The following KCNH7 variants were observed in gnomAD, a reference collection of about 807,000 sequenced individuals.
The protein encoded by KCNH7 is voltage-gated inwardly rectifying potassium channel KCNH7.
Under a neutral mutation model 120.8 loss-of-function variants are expected in KCNH7, and 49 were observed. The ratio of observed to expected loss-of-function variants is 0.41; its 90% CI spans 0.32 to 0.51. The LOEUF (loss-of-function observed/expected upper bound fraction) is 0.51, where lower values mean the gene tolerates loss of function less well. Ranked by LOEUF, KCNH7 falls within the 20% of genes least tolerant of loss-of-function variation. The pLI is 0.38. For synonymous variants in KCNH7, 547 were observed against 516.1 expected (o/e 1.06, Z -0.81); for missense variants, 1,097 against 1,446.6 (o/e 0.76, Z 3.92).
chr2:162,373,091 G>A (rs1043462232), intron 15 of KCNH7, among the ~76,000 whole-genome samples: 1 of 151,972 alleles, frequency 6.6e-6, no homozygotes, highest in African/African-American at 2.4e-5. Flanking sequence ...ATTTTTCTTT[G>A]AAGCTCTTTT....
At chr2:162,476,297 G>A (rs1689741985) in intron 6 of KCNH7, among the ~76,000 whole-genome samples, 2 of 152,092 alleles carry the variant, frequency 1.3e-5, no homozygotes, top group Admixed American at 1.3e-4. Flanking sequence ...AATATTCCAA[G>A]ACATATTCAT....
chr2:162,724,671 CAA>C (rs71009368), intron 2 of KCNH7, among the ~76,000 whole-genome samples: 5 of 123,876 alleles, frequency 4.0e-5, no homozygotes, highest in Admixed American at 8.0e-5. Context: ...GACTCCGTCT[CAA>C]AAAAAAAAAA....
intron 2 of KCNH7, among the ~76,000 whole-genome samples, chr2:162,724,664 T>A (rs1470301254): frequency 1.6e-5 from 2 of 125,902 alleles, no homozygotes; most frequent in African/African-American, 3.9e-5. Context: ...AGAGCGAGAC[T>A]CCGTCTCAAA....
rs919914106 is a variant in KCNH7 at position 162,558,070 on chromosome 2, CATCTT to C, written c.308-20995_308-20991del. On this transcript the variant is annotated intron_variant, in intron 2 of 15. Coordinates refer to ENST00000332142, the MANE Select transcript of KCNH7 (RefSeq NM_033272.4). Reference sequence around the variant, plus strand: ...TTACCTGCTTTGAGCTTACATAAAACATCTTATAGGTCAGAAAACTAAGGAATAAG... The same window carrying C: ...TTACCTGCTTTGAGCTTACATAAAACATAGGTCAGAAAACTAAGGAATAAG... Among the ~76,000 whole-genome samples, 26 of 152,300 alleles carry C rather than the reference CATCTT, an allele frequency of 1.7e-4. 1 individual carries two copies. Among genetic ancestry groups the C allele is most frequent in the Middle Eastern group, 6.8e-3 (2 of 294 alleles).
At chr2:162,391,539 T>C (rs978490076) in intron 12 of KCNH7, among the ~76,000 whole-genome samples, 5 of 152,074 alleles carry the variant, frequency 3.3e-5, no homozygotes, top group African/African-American at 1.2e-4. Flanking sequence ...TTCAAAGAGC[T>C]GCAGGCAGAA....
intron 2 of KCNH7, among the ~76,000 whole-genome samples, chr2:162,721,390 A>G (rs1268826953): frequency 6.6e-6 from 1 of 152,166 alleles, no homozygotes; most frequent in African/African-American, 2.4e-5. Context: ...AAATCAGAAA[A>G]GAAGACACAA....
intron 2 of KCNH7, among the ~76,000 whole-genome samples, chr2:162,704,098 G>C (rs1686610162): frequency 6.6e-6 from 1 of 152,052 alleles, no homozygotes; most frequent in Non-Finnish European, 1.5e-5. Flanking sequence ...ATAACTATAT[G>C]TGAACTTTTC....
At chr2:162,521,733 T>C in intron 3 of KCNH7, among the ~76,000 whole-genome samples, 1 of 151,914 alleles carries the variant, frequency 6.6e-6, no homozygotes, top group African/African-American at 2.4e-5. Context: ...CTCAAGCATT[T>C]ATCATTTTTT....
rs534745595 is a variant in KCNH7 at position 162,489,040 on chromosome 2, T to G, written c.1128+15403A>C. On this transcript the variant is annotated intron_variant, in intron 6 of 15. Coordinates refer to ENST00000332142, the MANE Select transcript of KCNH7 (RefSeq NM_033272.4). Reference sequence around the variant, plus strand: ...ACCTAGCTAATTCGGTATTTTAAACTGAAATAACATTTTAATTTAGAATAT... The same window carrying G: ...ACCTAGCTAATTCGGTATTTTAAACGGAAATAACATTTTAATTTAGAATAT... 1.1e-3 allele frequency among the ~76,000 whole-genome samples: 169 copies of G among 152,342 alleles called. 1 individual carries two copies. The highest frequency in any genetic ancestry group is 1.4e-3 in the Non-Finnish European group (95 of 68,036).
intron 2 of KCNH7, among the ~76,000 whole-genome samples, chr2:162,737,414 C>T (rs1687952027): frequency 6.6e-6 from 1 of 152,014 alleles, no homozygotes; most frequent in African/African-American, 2.4e-5. Context: ...GGCAGAGTGA[C>T]AGTGAGAGTA....
chr2:162,477,709 G>A (rs913018327), intron 6 of KCNH7, among the ~76,000 whole-genome samples: 6 of 152,032 alleles, frequency 3.9e-5, no homozygotes, highest in African/African-American at 1.2e-4. Flanking sequence ...CCTCTTAAAA[G>A]CCAAATGCCA....
intron 2 of KCNH7, among the ~76,000 whole-genome samples, chr2:162,595,931 G>A (rs1694364727): frequency 6.6e-6 from 1 of 151,420 alleles, no homozygotes; most frequent in Non-Finnish European, 1.5e-5. Context: ...CTTCTAAAAA[G>A]TAATTAAGAA....
intron 2 of KCNH7, among the ~76,000 whole-genome samples, chr2:162,728,966 T>C (rs1255970944): frequency 1.3e-5 from 2 of 152,144 alleles, no homozygotes; most frequent in Admixed American, 6.5e-5. Flanking sequence ...TTTGAGTTAG[T>C]GTACATGATG....
rs1553531728 is a variant in KCNH7 at position 162,807,272 on chromosome 2, A to ACC, written c.307+29264_307+29265insGG. The stretch of plus-strand genomic sequence containing the variant: ...CTAAAAATACAAAAAAAAAAAAAAA[A>ACC]AAAAAAAAAAACAAATTAGCCAGGT... On this transcript the variant is annotated intron_variant, in intron 2 of 15. Transcript: ENST00000332142. Among the ~76,000 whole-genome samples, 10 of 119,104 alleles carry ACC rather than the reference A, an allele frequency of 8.4e-5. 1 individual carries two copies. Among genetic ancestry groups the ACC allele is most frequent in the Middle Eastern group, 5.1e-3 (1 of 198 alleles). The allele number at this position is 119,104 out of a possible 152,430, so 78.1% of individuals were successfully genotyped here.
intron 6 of KCNH7, among the ~76,000 whole-genome samples, chr2:162,489,776 G>C (rs1055421131): frequency 1.3e-5 from 2 of 152,052 alleles, no homozygotes; most frequent in Non-Finnish European, 2.9e-5. Flanking sequence ...TCAGAATATG[G>C]GAAAAACATT....
At chr2:162,574,665 T>C (rs1332751057) in intron 2 of KCNH7, among the ~76,000 whole-genome samples, 1 of 152,036 alleles carries the variant, frequency 6.6e-6, no homozygotes, top group Admixed American at 6.6e-5. Flanking sequence ...GTTCATCCCT[T>C]GGAGTTTGGA....
At chr2:162,527,129 AG>A (rs1384590635) in intron 3 of KCNH7, among the ~76,000 whole-genome samples, 1 of 151,936 alleles carries the variant, frequency 6.6e-6, no homozygotes, top group Non-Finnish European at 1.5e-5. Flanking sequence ...GGGGTGGGAG[AG>A]GCACATGACA....
At chr2:162,510,732 A>G (rs1048677680) in intron 5 of KCNH7, among the ~76,000 whole-genome samples, 7 of 151,676 alleles carry the variant, frequency 4.6e-5, no homozygotes, top group Non-Finnish European at 8.9e-5. Flanking sequence ...TTTTATTTAG[A>G]TCTGGTATAG....
chr2:162,477,483 T>C (rs1215887870), intron 6 of KCNH7, among the ~76,000 whole-genome samples: 3 of 152,134 alleles, frequency 2.0e-5, no homozygotes, highest in African/African-American at 7.2e-5. Context: ...GCTTCAGAGA[T>C]AGAATAGAGA....
Sources: allele counts gnomAD v4.1 joint callset (sites outside exome capture counted in the v4.1 genomes callset), GRCh38; gene constraint gnomAD v4.1.1; transcripts MANE v1.5; gene names NCBI Gene and HGNC (gene_info 2026-07-23, HGNC 2026-07-21).